EPB41L4B: variants seen among roughly 807,000 people sequenced by gnomAD.
EPB41L4B encodes the protein band 4.1-like protein 4B.
EPB41L4B carries 30 observed loss-of-function variants against 112.5 expected under a neutral mutation model. The observed-to-expected ratio is 0.27, with a 90% CI of 0.20 to 0.36. EPB41L4B has a LOEUF of 0.36. EPB41L4B is among the 10% of genes least tolerant of loss of function. The pLI, the probability that EPB41L4B is intolerant of heterozygous loss-of-function variation, is 1.00. For missense variants in EPB41L4B, 1,024 were observed against 1,133.3 expected, an observed-to-expected ratio of 0.90 and a Z score of 1.38; for synonymous variants, 408 against 439.7, an observed-to-expected ratio of 0.93 and a Z score of 0.90.
At chr9:109,284,858 C>T (rs1836210935) in intron 1 of EPB41L4B, among the ~76,000 whole-genome samples, 1 of 152,196 alleles carries the variant, frequency 6.6e-6, no homozygotes, top group African/African-American at 2.4e-5. Context: ...GCCACTGGCT[C>T]TACACAATAC....
At chr9:109,309,453 G>A (rs1244984464) in intron 1 of EPB41L4B, among the ~76,000 whole-genome samples, 3 of 152,156 alleles carry the variant, frequency 2.0e-5, no homozygotes, top group South Asian at 2.1e-4. Context: ...TTATTCCACC[G>A]AGGTGACCTC....
At chr9:109,176,781 C>G in intron 24 of EPB41L4B, 85 bp from the exon 25 acceptor site, 1 of 1,477,578 alleles carries the variant, frequency 6.8e-7, no homozygotes, top group Non-Finnish European at 9.3e-7. Flanking sequence ...CCTTACTCTA[C>G]AGTTCCTGTT....
At chr9:109,240,418 A>C (rs901531836) in intron 15 of EPB41L4B, 31 of 985,340 alleles carry the variant, frequency 3.1e-5, no homozygotes, top group Non-Finnish European at 3.7e-5. Context: ...TTAGTAATAA[A>C]ATATCTCAAA....
intron 1 of EPB41L4B, among the ~76,000 whole-genome samples, chr9:109,302,763 G>A (rs1208151969): frequency 6.6e-6 from 1 of 152,142 alleles, no homozygotes; most frequent in Non-Finnish European, 1.5e-5. Flanking sequence ...CCTTCTCACA[G>A]CATGGCCTTT....
At chr9:109,302,183 A>G (rs945458781) in intron 1 of EPB41L4B, among the ~76,000 whole-genome samples, 1 of 152,194 alleles carries the variant, frequency 6.6e-6, no homozygotes, top group African/African-American at 2.4e-5. Flanking sequence ...TTACTCAGGG[A>G]AAGAGTGGCA....
chr9:109,290,786 CCCA>C (rs1460549977), intron 1 of EPB41L4B, among the ~76,000 whole-genome samples: 2 of 151,348 alleles, frequency 1.3e-5, no homozygotes, highest in East Asian at 1.9e-4. Context: ...ACACACACCC[CCCA>C]CCAAGTGGCC....
chr9:109,196,633 A>T (rs1294877747), intron 20 of EPB41L4B, among the ~76,000 whole-genome samples: 1 of 148,508 alleles, frequency 6.7e-6, no homozygotes. Context: ...TGGGAGGATC[A>T]CCTGAGCTGA....
chr9:109,258,676 G>A (rs10979776), intron 6 of EPB41L4B, among the ~76,000 whole-genome samples: 25,849 of 152,212 alleles, frequency 0.17, 2,629 homozygotes, highest in East Asian at 0.24. Flanking sequence ...CAAGCCTCTC[G>A]TTAAGAGTAG....
intron 7 of EPB41L4B, among the ~76,000 whole-genome samples, 188 bp from the exon 8 acceptor site, chr9:109,256,668 C>T (rs777640778): frequency 1.3e-5 from 2 of 152,344 alleles, no homozygotes; most frequent in South Asian, 2.1e-4. Context: ...ACAGGCTGGG[C>T]GCAGTGACTC....
chr9:109,319,533 C>T (rs772581202), intron 1 of EPB41L4B, among the ~76,000 whole-genome samples: 1 of 152,190 alleles, frequency 6.6e-6, no homozygotes, highest in Non-Finnish European at 1.5e-5. Flanking sequence ...GGCTGCGGGG[C>T]AGATGGGGCT....
In EPB41L4B at chr9:109,217,125, A is replaced by T. The variant is rs1564272624; in HGVS notation, c.1430T>A (p.Val477Glu). 6.2e-7 allele frequency: 1 copy of T among 1,613,940 alleles called. No individual in the cohort carries two copies. Among genetic ancestry groups the T allele is most frequent in the African/African-American group, 1.3e-5 (1 of 74,950 alleles). The change falls in exon 16 of 26, where the codon GTG (valine) becomes GAG (glutamate). Residue 477 changes from valine to glutamate, a missense_variant. Transcript: ENST00000374566. ...AGGCAACCGGTCCGAGCTGCTAAGC[A>T]CTGGGGAAGGGAGCGGGTAGCTGTG... ...PNVSYPLPSP[V>E]LSSSDRLPFG...
intron 7 of EPB41L4B, among the ~76,000 whole-genome samples, chr9:109,257,819 AC>A (rs1835039797): frequency 6.6e-6 from 1 of 151,972 alleles, no homozygotes; most frequent in South Asian, 2.1e-4. Context: ...ACGTGGTGAA[AC>A]CTCATCTCTG....
chr9:109,241,539 C>A, intron 15 of EPB41L4B: 1 of 1,490,000 alleles, frequency 6.7e-7, no homozygotes, highest in South Asian at 1.4e-5. Context: ...ACACCAAAAA[C>A]ACCTTTCAGG....
Position 109,320,124 on chromosome 9 carries a change from C to G in EPB41L4B, c.306+17G>C. 1 of 1,437,832 alleles carries G rather than the reference C, an allele frequency of 7.0e-7. No individual in the cohort carries two copies. Among genetic ancestry groups the G allele is most frequent in the Non-Finnish European group, 9.2e-7 (1 of 1,092,012 alleles). 89.1% of individuals were successfully genotyped at this position (1,437,832 alleles called of 1,614,324 possible). A position where few individuals can be genotyped will look rare whatever the true frequency, so the allele number is the denominator to read the frequency against. On this transcript the variant is annotated intron_variant, in intron 1 of 25. Coordinates refer to ENST00000374566, the MANE Select transcript of EPB41L4B (RefSeq NM_019114.5). ...GGGCGCGAGGTGCCAGTGCCCCAGA[C>G]TGGCCCCGTCACTCACCGGCAGGTC...
rs564855610 is a variant in EPB41L4B, at chr9:109,292,755, T to C, written c.307-12834A>G. On this transcript the variant is annotated intron_variant, in intron 1 of 25. Coordinates refer to ENST00000374566, the MANE Select transcript of EPB41L4B (RefSeq NM_019114.5). ...GAGAGGGGGTCTCTGTCCTTTTCCC[T>C]TGAATCTGGAAGAGCCTGTCAGTGC... 2.0e-5 allele frequency among the ~76,000 whole-genome samples: 3 copies of C among 152,346 alleles called. No individual in the cohort carries two copies. The South Asian group carries it at 6.2e-4, about 32-fold the overall frequency.
intron 11 of EPB41L4B, among the ~76,000 whole-genome samples, chr9:109,254,918 T>C (rs1197177759): frequency 6.6e-6 from 1 of 152,234 alleles, no homozygotes; most frequent in African/African-American, 2.4e-5. Flanking sequence ...GGCAATACAG[T>C]AGCAGTTAGA....
chr9:109,179,308 G>A (rs780277457), intron 24 of EPB41L4B, among the ~76,000 whole-genome samples: 13 of 152,242 alleles, frequency 8.5e-5, no homozygotes, highest in Admixed American at 6.5e-4. Context: ...GCTTCCCAGC[G>A]CTGCTAAACA....
intron 14 of EPB41L4B, among the ~76,000 whole-genome samples, chr9:109,246,865 C>G (rs1231902575): frequency 1.3e-5 from 2 of 152,262 alleles, no homozygotes; most frequent in African/African-American, 4.8e-5. Context: ...AGCACATCAC[C>G]TAGCACAGTG....
intron 6 of EPB41L4B, among the ~76,000 whole-genome samples, chr9:109,259,999 T>C (rs1200841949): frequency 2.0e-5 from 3 of 152,114 alleles, no homozygotes. Flanking sequence ...ACTCATGGAA[T>C]GGGGTTGGGG....
Sources: allele counts gnomAD v4.1 joint callset (sites outside exome capture counted in the v4.1 genomes callset), GRCh38; gene constraint gnomAD v4.1.1; transcripts MANE v1.5; gene names NCBI Gene and HGNC (gene_info 2026-07-23, HGNC 2026-07-21).